Variants in CDC37 observed in about 807,000 individuals in gnomAD.
The protein encoded by CDC37 is cell division cycle 37, HSP90 cochaperone.
Under a neutral mutation model 46.9 loss-of-function variants are expected in CDC37, and 9 were observed. That is an observed-to-expected ratio of 0.19 (90% CI 0.12 to 0.33). CDC37 has a LOEUF of 0.33. CDC37 is among the 10% of genes least tolerant of loss of function. The pLI is 1.00. For synonymous variants in CDC37, 193 were observed against 191.0 expected, an observed-to-expected ratio of 1.01 and a Z score of -0.09; for missense variants, 388 against 514.6, an observed-to-expected ratio of 0.75 and a Z score of 2.38.
At position 10,394,916 on chromosome 19, in the gene CDC37, G is replaced by C. The variant is rs1218340754; in HGVS notation, c.726+105C>G. ...CTCCTGATCTAGGATGCGGTGACTG[G>C]AGGGGCTTGAGTCCCAGTGGAGAGG... On this transcript the variant is annotated intron_variant, in intron 5 of 7. Transcript: ENST00000222005. 4.9e-6 allele frequency: 6 copies of C among 1,235,642 alleles called. No homozygotes were observed. The East Asian group carries it at 1.5e-4, about 30-fold the overall frequency. 76.5% of individuals were successfully genotyped at this position (1,235,642 alleles called of 1,614,324 possible). A position where few individuals can be genotyped will look rare whatever the true frequency, so the allele number is the denominator to read the frequency against.
chr19:10,397,997 C>T (rs1171028488), intron 1 of CDC37, among the ~76,000 whole-genome samples: 2 of 152,184 alleles, frequency 1.3e-5, no homozygotes, highest in African/African-American at 4.8e-5. Flanking sequence ...CGTGGCTCCA[C>T]CATCACCTCT....
chr19:10,391,479 T>G lies in CDC37; in HGVS notation c.*72A>C. 2 of 1,575,220 alleles carry G rather than the reference T, an allele frequency of 1.3e-6. No homozygotes were observed. The highest frequency in any genetic ancestry group is 1.7e-6 in the Non-Finnish European group (2 of 1,145,638). On this transcript the variant is annotated 3_prime_UTR_variant, in exon 8 of 8. Coordinates refer to ENST00000222005, the MANE Select transcript of CDC37 (RefSeq NM_007065.4). ...TAGAGGAAGTCAGGAGCGGGCGAGA[T>G]GGCATCTATCTGTTTTCTGAAAAGG...
At chr19:10,402,485 T>C (rs1384307086) in intron 1 of CDC37, among the ~76,000 whole-genome samples, 1 of 151,790 alleles carries the variant, frequency 6.6e-6, no homozygotes, top group Non-Finnish European at 1.5e-5. Context: ...GTTCTGGGCT[T>C]GAGTTAGGGG....
intron 2 of CDC37, 184 bp from the exon 3 acceptor site, chr19:10,395,727 G>C: frequency 1.3e-6 from 1 of 744,148 alleles, no homozygotes; most frequent in Admixed American, 2.6e-5. Context: ...GGGACCGGTG[G>C]GGTGTTTCAT....
In CDC37 at chr19:10,396,727, C is replaced by A. The variant is rs2047545116; in HGVS notation, c.103-524G>T. 6.6e-6 allele frequency among the ~76,000 whole-genome samples: 1 copy of A among 152,076 alleles called. No homozygotes were observed. The highest frequency in any genetic ancestry group is 2.4e-5 in the African/African-American group (1 of 41,390). ...CTGGGACTACAGGTGTGCACCAGCA[C>A]GCCCAGCTAATTTTTGTATTTTCAG... On this transcript the variant is annotated intron_variant, in intron 1 of 7. Transcript: ENST00000222005. The surrounding 1 kb of genome is among the most constrained non-coding windows in gnomAD (Gnocchi z 5.9).
rs1320526845 is a variant in CDC37 at position 10,396,845 on chromosome 19, C to T, written c.103-642G>A. On this transcript the variant is annotated intron_variant, in intron 1 of 7. Transcript: ENST00000222005. The surrounding 1 kb of genome is among the most constrained non-coding windows in gnomAD (Gnocchi z 5.9). Reference sequence around the variant, plus strand: ...TCGGCCTCCCAAAGTGCTGGGACTACAGGCGGGAGCTACTGCACTCTGCGG... The same window carrying T: ...TCGGCCTCCCAAAGTGCTGGGACTATAGGCGGGAGCTACTGCACTCTGCGG... Among the ~76,000 whole-genome samples the T allele has an allele frequency of 6.6e-6, 1 of 152,218 alleles. No homozygotes were observed. Among genetic ancestry groups the T allele is most frequent in the African/African-American group, 2.4e-5 (1 of 41,470 alleles).
chr19:10,403,514 T>A lies in CDC37; in HGVS notation c.-35A>T, dbSNP rs567281443. On this transcript the variant is annotated 5_prime_UTR_variant, in exon 1 of 8. Transcript: ENST00000222005. Reference sequence around the variant, plus strand: ...GCGGCCCAGCCCGCTCCGGCTCGGGTGGCGGCGACGGCGGCAGCAGTGGAG... The same window carrying A: ...GCGGCCCAGCCCGCTCCGGCTCGGGAGGCGGCGACGGCGGCAGCAGTGGAG... 3 of 1,532,378 alleles carry A rather than the reference T, an allele frequency of 2.0e-6. No individual in the cohort carries two copies. The East Asian group carries it at 6.8e-5, about 35-fold the overall frequency. The allele number at this position is 1,532,378 out of a possible 1,614,324, so 94.9% of individuals were successfully genotyped here.
chr19:10,391,578 C>A lies in CDC37; in HGVS notation c.1110G>T (p.Thr370=). 2 of 1,614,190 alleles carry A rather than the reference C, an allele frequency of 1.2e-6. No individual in the cohort carries two copies. Among genetic ancestry groups the A allele is most frequent in the Non-Finnish European group, 1.7e-6 (2 of 1,180,036 alleles). Reference sequence around the variant, plus strand: ...ACACACTGACATCCTTCTCATCGCCCGTCTTGGGAACAGCTTCCAGTAATG... The same window carrying A: ...ACACACTGACATCCTTCTCATCGCCAGTCTTGGGAACAGCTTCCAGTAATG... ...GDPLLEAVPK[T]GDEKDVSV is the part of the protein sequence containing the mutation. Residue 370 remains threonine (T), a synonymous_variant, in exon 8 of 8, where the codon ACG becomes ACT. Coordinates refer to ENST00000222005, the MANE Select transcript of CDC37 (RefSeq NM_007065.4).
At chr19:10,395,644 G>A (rs747081348) in intron 2 of CDC37, 101 bp from the exon 3 acceptor site, 21 of 999,214 alleles carry the variant, frequency 2.1e-5, no homozygotes, top group Non-Finnish European at 2.9e-5. Context: ...CATCCACGGC[G>A]GAGGTGGTGA....
Position 10,395,911 on chromosome 19 carries a change from C to A in CDC37, c.378+17G>T. ...TGGCTGCGCATGCGCACTGCCCGCC[C>A]CGCCCGCCCCGCACACCTTGCTGAA... On this transcript the variant is annotated intron_variant, in intron 2 of 7. Coordinates refer to ENST00000222005, the MANE Select transcript of CDC37 (RefSeq NM_007065.4). 3 of 1,568,680 alleles carry A rather than the reference C, an allele frequency of 1.9e-6. No individual in the cohort carries two copies. The highest frequency in any genetic ancestry group is 1.1e-5 in the South Asian group (1 of 87,736).
intron 1 of CDC37, among the ~76,000 whole-genome samples, chr19:10,400,221 G>A (rs1425681745): frequency 2.0e-5 from 3 of 152,182 alleles, no homozygotes; most frequent in African/African-American, 7.2e-5. Context: ...AGGGCCCACA[G>A]ATGTCACTAC....
Position 10,396,040 on chromosome 19 carries a change from T to C in CDC37, c.266A>G (p.Gln89Arg). 6.2e-7 allele frequency: 1 copy of C among 1,614,022 alleles called. No homozygotes were observed. The highest frequency in any genetic ancestry group is 1.1e-5 in the South Asian group (1 of 91,080). ...GCTCCGCTCCTCCTTGCGCAGCTGC[T>C]GTGCCTCGGCCTGCAGGCGCTCCAG... is the stretch of plus-strand genomic sequence containing the variant. ...AELERLQAEA[Q>R]QLRKEERSWE... Residue 89 changes from glutamine to arginine, a missense_variant, in exon 2 of 8, where the codon CAG becomes CGG. Coordinates refer to ENST00000222005, the MANE Select transcript of CDC37 (RefSeq NM_007065.4). The surrounding 1 kb of genome is among the most constrained non-coding windows in gnomAD (Gnocchi z 5.9).
In CDC37 at chr19:10,391,546, G is replaced by C; in HGVS notation, c.*5C>G. On this transcript the variant is annotated 3_prime_UTR_variant, in exon 8 of 8. Transcript: ENST00000222005. ...GAAGCAGGTGGCGGTGGTAGCTGGG[G>C]CAGGTCACACACTGACATCCTTCTC... 4 of 1,614,156 alleles carry C rather than the reference G, an allele frequency of 2.5e-6. No individual in the cohort carries two copies. Among genetic ancestry groups the C allele is most frequent in the Non-Finnish European group, 3.4e-6 (4 of 1,179,998 alleles).
At chr19:10,402,135 C>A (rs940954370) in intron 1 of CDC37, among the ~76,000 whole-genome samples, 47 of 114,678 alleles carry the variant, frequency 4.1e-4, no homozygotes, top group African/African-American at 1.7e-3. Flanking sequence ...CCAGCCTGGG[C>A]GACAAGAAGG....
chr19:10,401,356 A>G (rs1477037945), intron 1 of CDC37, among the ~76,000 whole-genome samples: 1 of 152,138 alleles, frequency 6.6e-6, no homozygotes, highest in Non-Finnish European at 1.5e-5. Context: ...CTTACATGCC[A>G]CTACAACCAC....
intron 5 of CDC37, among the ~76,000 whole-genome samples, chr19:10,394,520 T>TTTAA (rs1297708382): frequency 1.3e-5 from 2 of 151,862 alleles, no homozygotes; most frequent in Non-Finnish European, 2.9e-5. Flanking sequence ...TCCACTTTTA[T>TTTAA]TTAATTAATT....
At chr19:10,397,589 T>C (rs973329391) in intron 1 of CDC37, among the ~76,000 whole-genome samples, 2 of 151,984 alleles carry the variant, frequency 1.3e-5, no homozygotes, top group African/African-American at 4.8e-5. Flanking sequence ...TTTGTATTTT[T>C]AATAGAGACG....
At position 10,391,515 on chromosome 19, in the gene CDC37, G is replaced by A; in HGVS notation, c.*36C>T. Reference sequence around the variant, plus strand: ...TGTTTTCTGAAAAGGGGCACATAGGGGCCTGGAAGCAGGTGGCGGTGGTAG... The same window carrying A: ...TGTTTTCTGAAAAGGGGCACATAGGAGCCTGGAAGCAGGTGGCGGTGGTAG... On this transcript the variant is annotated 3_prime_UTR_variant, in exon 8 of 8. Coordinates refer to ENST00000222005, the MANE Select transcript of CDC37 (RefSeq NM_007065.4). 6.2e-7 allele frequency: 1 copy of A among 1,612,786 alleles called. No homozygotes were observed. Among genetic ancestry groups the A allele is most frequent in the South Asian group, 1.1e-5 (1 of 91,052 alleles).
At chr19:10,394,823 C>G (rs573912786) in intron 5 of CDC37, among the ~76,000 whole-genome samples, 198 bp downstream of exon 5, 3 of 151,444 alleles carry the variant, frequency 2.0e-5, no homozygotes, top group Non-Finnish European at 4.4e-5. Context: ...TGAGCCACTG[C>G]GCCCGGCCTC....
Sources: gnomAD v4.1 joint callset for allele counts (sites outside exome capture counted in the v4.1 genomes callset) on GRCh38, gnomAD v4.1.1 for gene constraint, Gnocchi (gnomAD v3.1) non-coding constraint, MANE v1.5 for transcripts, NCBI Gene and HGNC (gene_info 2026-07-23, HGNC 2026-07-21) for gene names.